Variants in BCAS4 observed in about 807,000 individuals in gnomAD.
BCAS4 encodes the protein breast carcinoma-amplified sequence 4.
In BCAS4, 9 loss-of-function variants were observed where a neutral mutation model predicts 15.7. The ratio of observed to expected loss-of-function variants is 0.57; its 90% confidence interval spans 0.34 to 1.00. The LOEUF (loss-of-function observed/expected upper bound fraction) is 1.00. Among genes scored for constraint, BCAS4 ranks in the 50% least tolerant of loss-of-function variants. The pLI is 0.02. For missense variants in BCAS4, 225 were observed against 239.1 expected (o/e 0.94, Z 0.39); for synonymous variants, 101 against 99.5 (o/e 1.02, Z -0.09).
intron 2 of BCAS4, among the ~76,000 whole-genome samples, chr20:50,829,258 T>C (rs1463089919): frequency 1.3e-5 from 2 of 152,136 alleles, no homozygotes; most frequent in African/African-American, 4.8e-5. Flanking sequence ...TTTTTTCTTT[T>C]TTGAGATGGA....
At chr20:50,817,019 T>C (rs1166634146) in intron 1 of BCAS4, among the ~76,000 whole-genome samples, 1 of 151,840 alleles carries the variant, frequency 6.6e-6, no homozygotes, top group African/African-American at 2.4e-5. Context: ...TCCAGAATGG[T>C]GTCGATCTCC....
At position 50,795,185 on chromosome 20, in the gene BCAS4, G is replaced by A; in HGVS notation, c.90+12G>A. The A allele has an allele frequency of 1.4e-6, 2 of 1,407,632 alleles. No homozygotes were observed. Among genetic ancestry groups the A allele is most frequent in the East Asian group, 3.0e-5 (1 of 33,480 alleles). 87.2% of individuals were successfully genotyped at this position (1,407,632 alleles called of 1,614,324 possible). A position where few individuals can be genotyped will look rare whatever the true frequency, so the allele number is the denominator to read the frequency against. ...AGCCTGGGGCCGAGGTAGGGGACGG[G>A]GCTGTGGAGTTGGAGGAGAGGGTTC... On this transcript the variant is annotated intron_variant, in intron 1 of 4. Transcript: ENST00000371608.
At chr20:50,805,819 A>G (rs192810996) in intron 1 of BCAS4, among the ~76,000 whole-genome samples, 23 of 152,258 alleles carry the variant, frequency 1.5e-4, no homozygotes, top group African/African-American at 5.5e-4. Context: ...TTCTAAAAAT[A>G]CAAAACTTAG....
At chr20:50,868,922 C>G (rs1164013232) in intron 4 of BCAS4, among the ~76,000 whole-genome samples, 1 of 152,212 alleles carries the variant, frequency 6.6e-6, no homozygotes, top group Non-Finnish European at 1.5e-5. Flanking sequence ...GCCCGTTGAG[C>G]TGACAGGGCG....
intron 2 of BCAS4, among the ~76,000 whole-genome samples, chr20:50,818,683 C>T (rs111534175): frequency 7.2e-5 from 11 of 152,338 alleles, no homozygotes; most frequent in African/African-American, 2.6e-4. Flanking sequence ...GAAATGGCTT[C>T]AGGCCTGCGA....
chr20:50,873,746 G>A (rs1979773606), intron 4 of BCAS4, among the ~76,000 whole-genome samples: 2 of 152,198 alleles, frequency 1.3e-5, no homozygotes, highest in South Asian at 4.1e-4. Context: ...GGCAGGAATA[G>A]ACCTTGTCTC....
intron 4 of BCAS4, among the ~76,000 whole-genome samples, chr20:50,869,156 G>A (rs1979503505): frequency 6.6e-6 from 1 of 152,250 alleles, no homozygotes; most frequent in Non-Finnish European, 1.5e-5. Flanking sequence ...GTGCTGTGAG[G>A]TTAGAAGTAG....
intron 3 of BCAS4, among the ~76,000 whole-genome samples, chr20:50,833,380 C>A (rs945195332): frequency 6.6e-6 from 1 of 152,242 alleles, no homozygotes; most frequent in African/African-American, 2.4e-5. Context: ...TAGGGGCACA[C>A]ACCCCAGAGC....
chr20:50,797,510 C>T (rs765523755), intron 1 of BCAS4, among the ~76,000 whole-genome samples: 23 of 151,840 alleles, frequency 1.5e-4, no homozygotes, highest in Non-Finnish European at 2.1e-4. Flanking sequence ...GTCTGGGCAA[C>T]GCAGGGAAAC....
At chr20:50,874,154 G>A (rs1261707499) in intron 4 of BCAS4, among the ~76,000 whole-genome samples, 1 of 152,112 alleles carries the variant, frequency 6.6e-6, no homozygotes, top group Non-Finnish European at 1.5e-5. Context: ...ACAGCCTCCT[G>A]CTTACGAGCT....
intron 1 of BCAS4, among the ~76,000 whole-genome samples, chr20:50,810,605 T>G (rs1281887474): frequency 2.1e-5 from 3 of 144,406 alleles, no homozygotes; most frequent in Non-Finnish European, 4.5e-5. Context: ...TTTTTTTTTT[T>G]GAGACGGAGT....
At chr20:50,827,876 G>A (rs191762425) in intron 2 of BCAS4, among the ~76,000 whole-genome samples, 9 of 152,202 alleles carry the variant, frequency 5.9e-5, no homozygotes, top group Admixed American at 4.6e-4. Context: ...ACAGGCGCAC[G>A]CCACCATGCC....
intron 3 of BCAS4, among the ~76,000 whole-genome samples, chr20:50,833,703 G>GAGGTTCTTACA (rs1568668159): frequency 1.3e-5 from 2 of 152,316 alleles, no homozygotes; most frequent in East Asian, 3.9e-4. Flanking sequence ...TTACGGTGGT[G>GAGGTTCTTACA]AGGTTCTTAC....
intron 4 of BCAS4, among the ~76,000 whole-genome samples, chr20:50,845,454 G>A (rs2088532041): frequency 6.6e-6 from 1 of 152,140 alleles, no homozygotes; most frequent in South Asian, 2.1e-4. Flanking sequence ...ATCACCCTCA[G>A]AGGCTGACAT....
In BCAS4 at chr20:50,813,432, C is replaced by G. The variant is rs144144895; in HGVS notation, c.91-4779C>G. 2.2e-4 allele frequency among the ~76,000 whole-genome samples: 34 copies of G among 152,296 alleles called. No homozygotes were observed. The East Asian group carries it at 6.4e-3, about 29-fold the overall frequency. On this transcript the variant is annotated intron_variant, in intron 1 of 4. Coordinates refer to ENST00000371608, the MANE Select transcript of BCAS4 (RefSeq NM_198799.4). The stretch of plus-strand genomic sequence containing the variant: ...GCTGGGACCAGCGAGCAGGCTACTG[C>G]AAGAGTCCTAGCAAGAGACGACGGT...
intron 1 of BCAS4, among the ~76,000 whole-genome samples, chr20:50,807,906 T>C (rs1023589315): frequency 6.7e-6 from 1 of 150,206 alleles, no homozygotes; most frequent in Non-Finnish European, 1.5e-5. Context: ...CATATTCTTT[T>C]TTTTTTTTTT....
In BCAS4 at chr20:50,873,524, T is replaced by C. The variant is rs577348344; in HGVS notation, c.400-2962T>C. 5.9e-5 allele frequency among the ~76,000 whole-genome samples: 9 copies of C among 152,344 alleles called. No homozygotes were observed. In the East Asian group the frequency reaches 1.7e-3, roughly 29 times the overall value. ...ACTTGAATGTTGCATTTTCTAGATA[T>C]CATGACAGCCAGATCTCAGGCCATC... On this transcript the variant is annotated intron_variant, in intron 4 of 4. Transcript: ENST00000371608.
chr20:50,871,325 TGGCATGCGGGTGTGCC>T (rs1388486651), intron 4 of BCAS4, among the ~76,000 whole-genome samples: 1 of 152,202 alleles, frequency 6.6e-6, no homozygotes, highest in Admixed American at 6.5e-5. Flanking sequence ...GTGGTTTCCA[TGGCATGCGGGTGTGCC>T]GGTGAGGGGG....
At chr20:50,843,201 C>T (rs1185762552) in intron 4 of BCAS4, among the ~76,000 whole-genome samples, 4 of 152,146 alleles carry the variant, frequency 2.6e-5, no homozygotes, top group Non-Finnish European at 4.4e-5. Flanking sequence ...CAGCGATCCT[C>T]CTGCCTTGAC....
Sources: allele counts gnomAD v4.1 joint callset (sites outside exome capture counted in the v4.1 genomes callset), GRCh38; gene constraint gnomAD v4.1.1; transcripts MANE v1.5; gene names NCBI Gene and HGNC (gene_info 2026-07-23, HGNC 2026-07-21).